The following DOK6 variants were observed in gnomAD, a reference collection of about 807,000 sequenced individuals.
DOK6 encodes downstream of tyrosine kinase 6.
DOK6 carries 22 observed loss-of-function variants against 44.0 expected under a neutral mutation model. The ratio of observed to expected loss-of-function variants is 0.50; its 90% CI spans 0.36 to 0.71. The LOEUF (loss-of-function observed/expected upper bound fraction) is 0.71. DOK6 is among the 30% of genes least tolerant of loss of function. The pLI, the probability that DOK6 is intolerant of heterozygous loss-of-function variation, is 0.00. For synonymous variants in DOK6, 166 were observed against 145.5 expected (o/e 1.14, Z -1.01); for missense variants, 340 against 416.4 (o/e 0.82, Z 1.60).
intron 5 of DOK6, among the ~76,000 whole-genome samples, chr18:69,735,396 A>G (rs1479883024): frequency 6.6e-6 from 1 of 152,230 alleles, no homozygotes; most frequent in African/African-American, 2.4e-5. Context: ...AAAACACATT[A>G]TGCTCACAGT....
intron 7 of DOK6, among the ~76,000 whole-genome samples, chr18:69,776,157 T>C (rs1980055757): frequency 6.6e-6 from 1 of 151,956 alleles, no homozygotes; most frequent in Non-Finnish European, 1.5e-5. Context: ...AAAAAGTTTC[T>C]AAGGAAATAG....
At chr18:69,513,980 T>G (rs1981446800) in intron 1 of DOK6, among the ~76,000 whole-genome samples, 1 of 152,122 alleles carries the variant, frequency 6.6e-6, no homozygotes, top group Non-Finnish European at 1.5e-5. Flanking sequence ...AGGTTTTATT[T>G]TAGCTTCTTG....
At chr18:69,717,336 C>A (rs1986906633) in intron 5 of DOK6, among the ~76,000 whole-genome samples, 1 of 151,842 alleles carries the variant, frequency 6.6e-6, no homozygotes, top group East Asian at 1.9e-4. Flanking sequence ...AAAACACAAG[C>A]TTTGAAAAAC....
chr18:69,701,874 C>T (rs2144706276), intron 5 of DOK6, among the ~76,000 whole-genome samples: 1 of 152,200 alleles, frequency 6.6e-6, no homozygotes, highest in African/African-American at 2.4e-5. Context: ...CATAGGTAGG[C>T]TTAATTTATT....
chr18:69,745,429 A>G (rs752601410), intron 6 of DOK6, among the ~76,000 whole-genome samples: 1 of 152,212 alleles, frequency 6.6e-6, no homozygotes, highest in Non-Finnish European at 1.5e-5. Flanking sequence ...ATATAACCCA[A>G]TGGCTCAGAC....
At chr18:69,836,895 C>G (rs912435379) in intron 7 of DOK6, among the ~76,000 whole-genome samples, 5 of 152,162 alleles carry the variant, frequency 3.3e-5, no homozygotes, top group African/African-American at 1.2e-4. Context: ...TTCTCATACT[C>G]ATTGTTGCCA....
intron 7 of DOK6, among the ~76,000 whole-genome samples, chr18:69,813,599 T>C (rs560845109): frequency 6.6e-6 from 1 of 152,202 alleles, no homozygotes; most frequent in East Asian, 1.9e-4. Flanking sequence ...TTTCTAGAGA[T>C]TGCATTTTTT....
chr18:69,587,729 GT>G (rs1245997046), intron 2 of DOK6, among the ~76,000 whole-genome samples: 1 of 150,694 alleles, frequency 6.6e-6, no homozygotes, highest in Non-Finnish European at 1.5e-5. Flanking sequence ...GTGAATTTTT[GT>G]TTTTGGAGTC....
intron 1 of DOK6, among the ~76,000 whole-genome samples, chr18:69,485,810 T>C (rs1192827105): frequency 1.3e-5 from 2 of 152,022 alleles, no homozygotes; most frequent in Non-Finnish European, 2.9e-5. Flanking sequence ...TTCTGTCTCA[T>C]TGCAGACTTC....
At chr18:69,575,900 T>C (rs1028324250) in intron 2 of DOK6, among the ~76,000 whole-genome samples, 4 of 152,082 alleles carry the variant, frequency 2.6e-5, no homozygotes, top group Non-Finnish European at 5.9e-5. Context: ...AGGGATCAGA[T>C]GGTGTTATTT....
chr18:69,454,751 C>A (rs1189354031), intron 1 of DOK6, among the ~76,000 whole-genome samples: 1 of 139,516 alleles, frequency 7.2e-6, no homozygotes, highest in African/African-American at 2.6e-5. Context: ...GAGTTCATGT[C>A]CTTTGTAGGG....
In DOK6 at chr18:69,492,310, A is replaced by G. The variant is rs149619001; in HGVS notation, c.67-72177A>G. ...GATGTCACCTTCTTAGACAGCAAAGAACAATATTGCTTCTGCAGAGACTGT... is the reference window on the plus strand; with the variant it reads ...GATGTCACCTTCTTAGACAGCAAAGGACAATATTGCTTCTGCAGAGACTGT... On this transcript the variant is annotated intron_variant, in intron 1 of 7. Transcript: ENST00000382713. Among the ~76,000 whole-genome samples, 146 of 152,320 alleles carry G rather than the reference A, an allele frequency of 9.6e-4. 2 individuals are homozygous for G. Among genetic ancestry groups the G allele is most frequent in the African/African-American group, 3.2e-3 (134 of 41,588 alleles).
At chr18:69,564,375 AAAAAC>A in intron 1 of DOK6, 107 bp from the exon 2 acceptor site, 1 of 766,866 alleles carries the variant, frequency 1.3e-6, no homozygotes, top group Non-Finnish European at 2.1e-6. Context: ...TTTGTCAATC[AAAAAC>A]AGTTCCTCTC....
At chr18:69,475,275 A>G (rs891162347) in intron 1 of DOK6, among the ~76,000 whole-genome samples, 1 of 152,210 alleles carries the variant, frequency 6.6e-6, no homozygotes, top group Admixed American at 6.5e-5. Flanking sequence ...AAACAAAAGT[A>G]TTGATCTTAT....
At chr18:69,793,744 C>G (rs959640979) in intron 7 of DOK6, among the ~76,000 whole-genome samples, 2 of 152,002 alleles carry the variant, frequency 1.3e-5, no homozygotes, top group Non-Finnish European at 2.9e-5. Flanking sequence ...GAAAAGATTT[C>G]TTAGAAGAGA....
At chr18:69,824,458 G>A (rs995828672) in intron 7 of DOK6, among the ~76,000 whole-genome samples, 5 of 83,354 alleles carry the variant, frequency 6.0e-5, no homozygotes, top group South Asian at 3.6e-4. Flanking sequence ...ATCCTCCTGC[G>A]CTCAAGCAAT....
At chr18:69,415,040 G>A (rs1339188100) in intron 1 of DOK6, among the ~76,000 whole-genome samples, 1 of 151,862 alleles carries the variant, frequency 6.6e-6, no homozygotes, top group Non-Finnish European at 1.5e-5. Context: ...TTATGAATTG[G>A]GTAGAAGAAC....
chr18:69,420,950 C>T (rs1978474964), intron 1 of DOK6, among the ~76,000 whole-genome samples: 1 of 152,150 alleles, frequency 6.6e-6, no homozygotes, highest in Non-Finnish European at 1.5e-5. Flanking sequence ...TTCACAGTCC[C>T]TGATGAGTGC....
intron 1 of DOK6, among the ~76,000 whole-genome samples, chr18:69,539,737 G>A (rs368683815): frequency 4.1e-4 from 63 of 152,188 alleles, no homozygotes; most frequent in African/African-American, 1.3e-3. Context: ...ACTTATGCAC[G>A]TAACATTGTT....
Sources: gnomAD v4.1 joint callset for allele counts (sites outside exome capture counted in the v4.1 genomes callset) on GRCh38, gnomAD v4.1.1 for gene constraint, MANE v1.5 for transcripts, NCBI Gene and HGNC (gene_info 2026-07-23, HGNC 2026-07-21) for gene names.